TECPR2: variants seen among roughly 807,000 people sequenced by gnomAD.
The protein encoded by TECPR2 is tectonin beta-propeller repeat containing 2.
TECPR2 carries 65 observed loss-of-function variants against 138.1 expected under a neutral mutation model. That is an observed-to-expected ratio of 0.47 (90% confidence interval 0.39 to 0.58). The LOEUF is 0.58. Ranked by LOEUF, TECPR2 falls within the 20% of genes least tolerant of loss-of-function variation. The pLI is 0.00. For missense variants in TECPR2, 1,553 were observed against 1,824.5 expected, an observed-to-expected ratio of 0.85 and a Z score of 2.71; for synonymous variants, 746 against 749.8, an observed-to-expected ratio of 0.99 and a Z score of 0.08.
At chr14:102,444,402 G>A (rs1030747081) in intron 12 of TECPR2, among the ~76,000 whole-genome samples, 6 of 151,888 alleles carry the variant, frequency 4.0e-5, no homozygotes, top group African/African-American at 1.5e-4. Context: ...TTTTCATCAT[G>A]TTGCCCAGAC....
At chr14:102,425,325 C>A in intron 6 of TECPR2, 34 bp downstream of exon 6, 1 of 1,540,746 alleles carries the variant, frequency 6.5e-7, no homozygotes, top group South Asian at 1.3e-5. Context: ...TCTTCTGTGT[C>A]TATAGGCAAG....
intron 2 of TECPR2, among the ~76,000 whole-genome samples, chr14:102,379,440 G>A (rs79381058): frequency 3.1e-4 from 39 of 126,816 alleles, no homozygotes; most frequent in Middle Eastern, 6.6e-3. Context: ...TCACACTGCT[G>A]AAGATCACCA....
chr14:102,456,349 T>C (rs938558566), intron 16 of TECPR2, among the ~76,000 whole-genome samples: 3 of 152,178 alleles, frequency 2.0e-5, no homozygotes, highest in African/African-American at 7.2e-5. Context: ...ATTTGAGTTA[T>C]CTGGTTGATC....
intron 2 of TECPR2, among the ~76,000 whole-genome samples, chr14:102,400,324 C>T (rs995649722): frequency 1.3e-5 from 2 of 152,104 alleles, no homozygotes; most frequent in African/African-American, 2.4e-5. Context: ...GGATTATAGG[C>T]GTGAGCCACC....
chr14:102,375,730 C>T (rs1324063114), intron 1 of TECPR2, among the ~76,000 whole-genome samples: 3 of 152,154 alleles, frequency 2.0e-5, no homozygotes, highest in Non-Finnish European at 4.4e-5. Context: ...AGAGCATCTA[C>T]CTGGACTGTT....
chr14:102,481,783 T>G (rs1890898858), intron 17 of TECPR2, among the ~76,000 whole-genome samples: 1 of 152,218 alleles, frequency 6.6e-6, no homozygotes, highest in South Asian at 2.1e-4. Flanking sequence ...TTTGGTCCCC[T>G]GACTTCAGGT....
intron 17 of TECPR2, among the ~76,000 whole-genome samples, chr14:102,477,501 A>C (rs566630251): frequency 6.7e-6 from 1 of 150,070 alleles, no homozygotes; most frequent in Admixed American, 6.6e-5. Context: ...CCAATTATGT[A>C]CTTTAAATGT....
In TECPR2 at chr14:102,428,222, GTTTTTTTTTT is replaced by G. The variant is rs565236204; in HGVS notation, c.952-15_952-6del. 6 of 1,058,650 alleles carry G rather than the reference GTTTTTTTTTT, an allele frequency of 5.7e-6. No individual in the cohort carries two copies. The highest frequency in any genetic ancestry group is 5.0e-5 in the Admixed American group (1 of 19,868). 65.6% of individuals were successfully genotyped at this position (1,058,650 alleles called of 1,614,324 possible). On this transcript the variant is annotated intron_variant, in intron 6 of 19. Transcript: ENST00000359520. ...ACCGTTGTTTAGTTTTGTGTTTTTTGTTTTTTTTTTTTTTTTTTTTTTGACAGGCCACAGT... is the reference window on the plus strand; with the variant it reads ...ACCGTTGTTTAGTTTTGTGTTTTTTGTTTTTTTTTTTTGACAGGCCACAGT...
intron 18 of TECPR2, 85 bp from the exon 19 acceptor site, chr14:102,497,485 G>A: frequency 7.1e-7 from 1 of 1,403,884 alleles, no homozygotes. Context: ...TGGTGGAGGT[G>A]TGCAGCGTCA....
At chr14:102,446,066 T>A in intron 13 of TECPR2, 119 bp downstream of exon 13, 1 of 1,251,754 alleles carries the variant, frequency 8.0e-7, no homozygotes, top group Non-Finnish European at 1.1e-6. Context: ...CACTTTTTTA[T>A]TATTTGTTTG....
At chr14:102,481,920 C>T (rs1332904933) in intron 17 of TECPR2, among the ~76,000 whole-genome samples, 5 of 152,194 alleles carry the variant, frequency 3.3e-5, no homozygotes, top group African/African-American at 9.7e-5. Flanking sequence ...TTCCTGGGCA[C>T]GGGCCTTGCT....
chr14:102,457,323 G>T (rs1210527471), intron 16 of TECPR2, among the ~76,000 whole-genome samples: 1 of 152,060 alleles, frequency 6.6e-6, no homozygotes, highest in Non-Finnish European at 1.5e-5. Flanking sequence ...GACCTCAACT[G>T]ATGCACCCGT....
At chr14:102,375,145 G>A (rs1887612011) in intron 1 of TECPR2, among the ~76,000 whole-genome samples, 1 of 152,176 alleles carries the variant, frequency 6.6e-6, no homozygotes, top group African/African-American at 2.4e-5. Flanking sequence ...CCATGATTGA[G>A]ACCAGCCTGG....
chr14:102,471,870 G>A (rs1595142622), intron 17 of TECPR2, among the ~76,000 whole-genome samples: 2 of 151,910 alleles, frequency 1.3e-5, no homozygotes, highest in African/African-American at 2.4e-5. Flanking sequence ...TTTCCACTCT[G>A]TTACTTCCTC....
chr14:102,446,378 C>G (rs994736545), intron 13 of TECPR2, among the ~76,000 whole-genome samples: 2 of 152,126 alleles, frequency 1.3e-5, no homozygotes, highest in Admixed American at 6.6e-5. Context: ...GCAGGCAGAT[C>G]ACTCGAGTCC....
At chr14:102,392,429 CT>C (rs201660614) in intron 2 of TECPR2, among the ~76,000 whole-genome samples, 1 of 152,184 alleles carries the variant, frequency 6.6e-6, no homozygotes. Context: ...TAGTTCAATA[CT>C]TTTTTTTCCA....
Position 102,499,594 on chromosome 14 carries a change from G to A in TECPR2, c.*1337G>A. The A allele has an allele frequency of 3.6e-6, 1 of 274,326 alleles. No individual in the cohort carries two copies. The allele number at this position is 274,326 out of a possible 1,614,324, so 17.0% of individuals were successfully genotyped here. On this transcript the variant is annotated 3_prime_UTR_variant, in exon 20 of 20. Coordinates refer to ENST00000359520, the MANE Select transcript of TECPR2 (RefSeq NM_014844.5). ...GTTGACACTTGACAGGTTGAAACCA[G>A]TGCCTCTATGGACGGCTGCTGTGGC...
chr14:102,439,962 G>C (rs895889039), intron 10 of TECPR2, among the ~76,000 whole-genome samples: 1 of 152,214 alleles, frequency 6.6e-6, no homozygotes, highest in Non-Finnish European at 1.5e-5. Flanking sequence ...TTTCCATTCA[G>C]CTCATCCAGA....
intron 2 of TECPR2, among the ~76,000 whole-genome samples, chr14:102,388,173 C>A (rs1041512961): frequency 2.0e-5 from 3 of 152,180 alleles, no homozygotes; most frequent in Admixed American, 6.5e-5. Context: ...GATGAGGAGC[C>A]TGTGATGTCT....
Sources: gnomAD v4.1 joint callset for allele counts (sites outside exome capture counted in the v4.1 genomes callset) on GRCh38, gnomAD v4.1.1 for gene constraint, MANE v1.5 for transcripts, NCBI Gene and HGNC (gene_info 2026-07-23, HGNC 2026-07-21) for gene names.